The following ANXA8 variants were observed in gnomAD, a reference collection of about 807,000 sequenced individuals.
The protein encoded by ANXA8 is annexin A8.
A neutral mutation model predicts 26.8 loss-of-function variants in ANXA8; 9 were observed. The observed-to-expected ratio is 0.34, with a 90% CI of 0.20 to 0.59. The LOEUF is 0.59. ANXA8 is among the 20% of genes least tolerant of loss of function. The probability of loss-of-function intolerance (pLI) is 0.84; values close to 1 mark genes in which losing one functional copy is unlikely to be tolerated. For synonymous variants in ANXA8, 39 were observed against 94.8 expected, an observed-to-expected ratio of 0.41 and a Z score of 3.42; for missense variants, 83 against 238.5, an observed-to-expected ratio of 0.35 and a Z score of 4.29.
the ANXA8 span, among the ~76,000 whole-genome samples, chr10:47,762,320 G>A: frequency 6.7e-6 from 1 of 149,934 alleles, no homozygotes; most frequent in African/African-American, 2.5e-5. Context: ...CAGACGCTGG[G>A]TTCCAACCGC....
chr10:47,694,887 T>C, the ANXA8 span, among the ~76,000 whole-genome samples: 1 of 151,252 alleles, frequency 6.6e-6, no homozygotes, highest in Non-Finnish European at 1.5e-5. Context: ...AGGCTTAACA[T>C]TGGGAAACCA....
chr10:47,516,765 G>T, the ANXA8 span, among the ~76,000 whole-genome samples: 4 of 131,162 alleles, frequency 3.0e-5, 1 homozygote, highest in Non-Finnish European at 6.2e-5. Flanking sequence ...TCTTTGAAAG[G>T]CATGTGATAA....
the ANXA8 span, among the ~76,000 whole-genome samples, chr10:47,652,847 A>T: frequency 4.0e-5 from 6 of 149,096 alleles, no homozygotes; most frequent in Non-Finnish European, 8.8e-5. Context: ...TATCAATTGA[A>T]GGGTTTTAAA....
the ANXA8 span, among the ~76,000 whole-genome samples, chr10:47,684,431 G>GA: frequency 6.8e-6 from 1 of 147,146 alleles, no homozygotes; most frequent in East Asian, 2.0e-4. Context: ...TTTGGGGGGG[G>GA]GGTGAGGAGG....
the ANXA8 span, among the ~76,000 whole-genome samples, chr10:47,744,362 C>T: frequency 1.4e-5 from 2 of 140,848 alleles, no homozygotes; most frequent in African/African-American, 2.6e-5. Context: ...ACGGCACATC[C>T]TCCCGGATCC....
chr10:47,493,707 C>T, the ANXA8 span, among the ~76,000 whole-genome samples: 1 of 150,984 alleles, frequency 6.6e-6, no homozygotes, highest in Non-Finnish European at 1.5e-5. Flanking sequence ...CCAGGCCCAC[C>T]ATGGCCTCTG....
At chr10:47,561,535 A>G in the ANXA8 span, among the ~76,000 whole-genome samples, 6 of 151,928 alleles carry the variant, frequency 3.9e-5, no homozygotes, top group East Asian at 1.9e-4. Flanking sequence ...CCCATCCCCA[A>G]TGTTGTATAC....
At chr10:47,959,885 C>T in the ANXA8 span, among the ~76,000 whole-genome samples, 1 of 151,584 alleles carries the variant, frequency 6.6e-6, no homozygotes, top group Admixed American at 6.6e-5. Context: ...CCACTTCCTG[C>T]CTTTCTGATC....
the ANXA8 span, among the ~76,000 whole-genome samples, chr10:47,745,221 TC>T: frequency 3.4e-5 from 5 of 148,026 alleles, no homozygotes; most frequent in African/African-American, 1.2e-4. Flanking sequence ...TACTTCGAGG[TC>T]CCCTTCTACT....
chr10:47,733,143 A>ATCTTTCTTTCTTTCTTTCTT, the ANXA8 span, among the ~76,000 whole-genome samples: 4 of 98,140 alleles, frequency 4.1e-5, no homozygotes, highest in East Asian at 3.3e-4. Context: ...CAACTCCCTA[A>ATCTTTCTTTCTTTCTTTCTT]TCTTTCTTTC....
chr10:47,493,501 T>C, the ANXA8 span, among the ~76,000 whole-genome samples: 1 of 148,188 alleles, frequency 6.7e-6, no homozygotes, highest in African/African-American at 2.5e-5. Context: ...AAGGGTCCTT[T>C]CTATGCCTGC....
the ANXA8 span, among the ~76,000 whole-genome samples, chr10:47,665,805 C>T: frequency 1.3e-5 from 2 of 151,648 alleles, no homozygotes; most frequent in Non-Finnish European, 2.9e-5. Flanking sequence ...GGGATCCCAA[C>T]TTTATTTCAT....
At chr10:47,685,629 G>C in the ANXA8 span, among the ~76,000 whole-genome samples, 3 of 151,800 alleles carry the variant, frequency 2.0e-5, no homozygotes, top group Admixed American at 2.0e-4. Flanking sequence ...GTAAAGCACA[G>C]TTGTATATGT....
At chr10:47,705,006 C>G in the ANXA8 span, among the ~76,000 whole-genome samples, 1 of 152,184 alleles carries the variant, frequency 6.6e-6, no homozygotes, top group Non-Finnish European at 1.5e-5. Context: ...TGGCTCATGC[C>G]TGTAATGCCA....
chr10:47,510,407 G>C, the ANXA8 span: 6 of 1,365,024 alleles, frequency 4.4e-6, 1 homozygote, highest in Non-Finnish European at 4.9e-6. Flanking sequence ...GCAATCTATA[G>C]AAAACCCATT....
chr10:47,625,704 C>T, the ANXA8 span, among the ~76,000 whole-genome samples: 1 of 152,076 alleles, frequency 6.6e-6, no homozygotes, highest in Non-Finnish European at 1.5e-5. Context: ...TCTTCACCTA[C>T]TTACTATATT....
chr10:47,705,256 T>C, the ANXA8 span, among the ~76,000 whole-genome samples: 1 of 144,248 alleles, frequency 6.9e-6, no homozygotes, highest in African/African-American at 2.6e-5. Flanking sequence ...GTCAGTTAAA[T>C]TTTAATTTTG....
chr10:47,556,453 G>A, the ANXA8 span, among the ~76,000 whole-genome samples: 6 of 151,888 alleles, frequency 4.0e-5, no homozygotes, highest in Admixed American at 3.9e-4. Flanking sequence ...GTTTCCAAGA[G>A]GTATTTGGTG....
the ANXA8 span, among the ~76,000 whole-genome samples, chr10:47,951,811 C>CAAAAAAA: frequency 1.2e-4 from 11 of 94,542 alleles, no homozygotes; most frequent in Admixed American, 2.6e-4. Flanking sequence ...ACTCTGTCTC[C>CAAAAAAA]AAAAAAAAAA....
Sources: gnomAD v4.1 joint callset for allele counts (sites outside exome capture counted in the v4.1 genomes callset) on GRCh38, gnomAD v4.1.1 for gene constraint, MANE v1.5 for transcripts, NCBI Gene and HGNC (gene_info 2026-07-23, HGNC 2026-07-21) for gene names.